TIMD4: variants seen among roughly 807,000 people sequenced by gnomAD.
TIMD4 encodes the protein T-cell immunoglobulin and mucin domain-containing protein 4.
TIMD4 carries 31 observed loss-of-function variants against 41.2 expected under a neutral mutation model. That is an observed-to-expected ratio of 0.75 (90% CI 0.57 to 1.01). The LOEUF (loss-of-function observed/expected upper bound fraction) is 1.01, where lower values mean the gene tolerates loss of function less well. Ranked by LOEUF, TIMD4 falls within the 50% of genes least tolerant of loss-of-function variation. The pLI is 0.00. For synonymous variants in TIMD4, 204 were observed against 177.1 expected, an observed-to-expected ratio of 1.15 and a Z score of -1.21; for missense variants, 479 against 472.5, an observed-to-expected ratio of 1.01 and a Z score of -0.13.
At chr5:156,928,879 C>T (rs996658827) in intron 5 of TIMD4, among the ~76,000 whole-genome samples, 6 of 152,156 alleles carry the variant, frequency 3.9e-5, no homozygotes, top group African/African-American at 1.4e-4. Flanking sequence ...GTATTACAAT[C>T]ATTTGTGATG....
At position 156,926,305 on chromosome 5, in the gene TIMD4, AT is replaced by A; in HGVS notation, c.851del (p.Asp284ValfsTer23). The A allele has an allele frequency of 6.2e-7, 1 of 1,613,644 alleles. No individual in the cohort carries two copies. Among genetic ancestry groups the A allele is most frequent in the East Asian group, 2.2e-5 (1 of 44,860 alleles). The stretch of plus-strand genomic sequence containing the variant: ...TTTTGTTCTGCTCAGGAACTGCTGT[AT>A]CAGATGCTGGGAAGGAAAAGAGAAG... Reference protein sequence around the residue: ...SVSSPQPGASDTAVPEQNKTT... With the variant: ...SVSSPQPGASXTAVPEQNKTT... On this transcript the variant is annotated frameshift_variant, in exon 6 of 9. Transcript: ENST00000274532. LOFTEE classifies it high-confidence loss of function.
intron 7 of TIMD4, 37 bp from the exon 8 acceptor site, chr5:156,920,540 G>A (rs1759217321): frequency 6.2e-7 from 1 of 1,609,570 alleles, no homozygotes; most frequent in Non-Finnish European, 8.5e-7. Flanking sequence ...CAGAGTGGCT[G>A]CGGTGCATAG....
At chr5:156,931,273 G>A (rs1759440414) in intron 5 of TIMD4, among the ~76,000 whole-genome samples, 1 of 152,162 alleles carries the variant, frequency 6.6e-6, no homozygotes, top group African/African-American at 2.4e-5. Context: ...TGTGTGTTAA[G>A]CCAGTAAGTT....
chr5:156,947,398 A>C (rs541059692), intron 5 of TIMD4, among the ~76,000 whole-genome samples: 1 of 152,312 alleles, frequency 6.6e-6, no homozygotes, highest in African/African-American at 2.4e-5. Flanking sequence ...TTAAAGGTGC[A>C]CATTTCTTTT....
At chr5:156,961,301 C>A (rs1001120952) in intron 1 of TIMD4, among the ~76,000 whole-genome samples, 30 of 152,008 alleles carry the variant, frequency 2.0e-4, no homozygotes, top group African/African-American at 7.0e-4. Flanking sequence ...ATTACTACAG[C>A]CATTATGGGA....
chr5:156,954,333 C>T, intron 2 of TIMD4, 82 bp downstream of exon 2: 1 of 1,367,998 alleles, frequency 7.3e-7, no homozygotes, highest in Non-Finnish European at 1.0e-6. Flanking sequence ...ACTCTAACCT[C>T]TTCACCACCA....
chr5:156,939,123 T>C (rs1011916194), intron 5 of TIMD4, among the ~76,000 whole-genome samples: 1 of 152,190 alleles, frequency 6.6e-6, no homozygotes, highest in African/African-American at 2.4e-5. Context: ...TACAGGAGCT[T>C]CCATTATCCC....
At chr5:156,920,553 C>G (rs1759217796) in intron 7 of TIMD4, 50 bp from the exon 8 acceptor site, 1 of 1,591,442 alleles carries the variant, frequency 6.3e-7, no homozygotes, top group African/African-American at 1.3e-5. Flanking sequence ...GTGCATAGAA[C>G]ATGCAAAATG....
chr5:156,955,433 G>A (rs147974290), intron 1 of TIMD4, among the ~76,000 whole-genome samples: 578 of 152,290 alleles, frequency 3.8e-3, no homozygotes, highest in African/African-American at 0.013. Context: ...GAGGCAGGCG[G>A]ATCACAAGGT....
intron 3 of TIMD4, among the ~76,000 whole-genome samples, chr5:156,951,007 TAC>T (rs3068099): frequency 6.8e-4 from 102 of 149,114 alleles, no homozygotes; most frequent in African/African-American, 9.1e-4. Context: ...CACCTCCTCG[TAC>T]ACACACACAC....
At chr5:156,931,834 C>T (rs967598900) in intron 5 of TIMD4, among the ~76,000 whole-genome samples, 1 of 151,996 alleles carries the variant, frequency 6.6e-6, no homozygotes, top group East Asian at 1.9e-4. Context: ...CCTGGCTATG[C>T]GACCTTGGCT....
At chr5:156,961,426 C>T (rs1753040520) in intron 1 of TIMD4, among the ~76,000 whole-genome samples, 1 of 152,210 alleles carries the variant, frequency 6.6e-6, no homozygotes. Flanking sequence ...TATTTACTCT[C>T]CCATGTTTAT....
At chr5:156,958,502 T>C (rs1760022512) in intron 1 of TIMD4, among the ~76,000 whole-genome samples, 1 of 152,084 alleles carries the variant, frequency 6.6e-6, no homozygotes, top group African/African-American at 2.4e-5. Context: ...ACTGATAATA[T>C]TGAGTAATGG....
chr5:156,935,853 C>G (rs975920001), intron 5 of TIMD4, among the ~76,000 whole-genome samples: 1 of 152,146 alleles, frequency 6.6e-6, no homozygotes, highest in Non-Finnish European at 1.5e-5. Context: ...CAGTAAAGCA[C>G]AGATAAGACC....
At chr5:156,943,858 T>C (rs1202748868) in intron 5 of TIMD4, among the ~76,000 whole-genome samples, 2 of 150,012 alleles carry the variant, frequency 1.3e-5, no homozygotes, top group Non-Finnish European at 3.0e-5. Context: ...GAGACCAGCC[T>C]GGCCAATATG....
chr5:156,958,218 G>T (rs1180594444), intron 1 of TIMD4, among the ~76,000 whole-genome samples: 1 of 151,886 alleles, frequency 6.6e-6, no homozygotes, highest in African/African-American at 2.4e-5. Context: ...GTTGCAGTTA[G>T]CCAAGATCAC....
At chr5:156,951,823 G>C (rs773378167) in intron 2 of TIMD4, 33 bp from the exon 3 acceptor site, 1 of 1,610,964 alleles carries the variant, frequency 6.2e-7, no homozygotes, top group Non-Finnish European at 8.5e-7. Context: ...TTGGCACCAA[G>C]CGGAGATGGA....
intron 6 of TIMD4, among the ~76,000 whole-genome samples, chr5:156,925,474 C>G (rs1438974206): frequency 1.3e-5 from 2 of 152,150 alleles, no homozygotes; most frequent in South Asian, 2.1e-4. Context: ...GGACAACAGA[C>G]AGTGTCTGAG....
rs1753108448 is a variant in TIMD4, at chr5:156,963,209, G to T, written c.-11C>A. ...AGGTTCTTTGGACATTTTGACGGTT[G>T]ACCGGACCCAGGAGTCTGTCTATCT... On this transcript the variant is annotated 5_prime_UTR_variant, in exon 1 of 9. Coordinates refer to ENST00000274532, the MANE Select transcript of TIMD4 (RefSeq NM_138379.3). 1 of 1,613,942 alleles carries T rather than the reference G, an allele frequency of 6.2e-7. No individual in the cohort carries two copies. The highest frequency in any genetic ancestry group is 1.7e-5 in the Admixed American group (1 of 60,006).
Sources: allele counts gnomAD v4.1 joint callset (sites outside exome capture counted in the v4.1 genomes callset), GRCh38; gene constraint gnomAD v4.1.1; transcripts MANE v1.5; gene names NCBI Gene and HGNC (gene_info 2026-07-23, HGNC 2026-07-21).